PLEKHM1: variants seen among roughly 807,000 people sequenced by gnomAD.
PLEKHM1 encodes the protein pleckstrin homology and RUN domain containing M1.
In PLEKHM1, 28 loss-of-function variants were observed where a neutral mutation model predicts 94.3. That is an observed-to-expected ratio of 0.30 (90% CI 0.22 to 0.41). The LOEUF is 0.41. Among genes scored for constraint, PLEKHM1 ranks in the 10% least tolerant of loss-of-function variants. The pLI is 1.00. For missense variants in PLEKHM1, 907 were observed against 1,358.6 expected (o/e 0.67, Z 5.22); for synonymous variants, 424 against 581.2 (o/e 0.73, Z 3.89).
At position 45,477,868 on chromosome 17, in the gene PLEKHM1, C is replaced by T. The variant is rs546798514; in HGVS notation, c.296+32G>A. 3.6e-4 allele frequency: 562 copies of T among 1,578,984 alleles called. 6 individuals carry two copies. In the South Asian group the frequency reaches 4.9e-3, roughly 14 times the overall value. On this transcript the variant is annotated intron_variant, in intron 3 of 11. Coordinates refer to ENST00000430334, the MANE Select transcript of PLEKHM1 (RefSeq NM_014798.3). ...AGTGTCCCATAGTCTGCTGCTCCTC[C>T]GCAAAGCAAAACCTCTCCAGCTAAA...
intron 5 of PLEKHM1, among the ~76,000 whole-genome samples, chr17:45,465,362 A>C (rs1597967893): frequency 6.6e-6 from 1 of 152,022 alleles, no homozygotes; most frequent in East Asian, 1.9e-4. Context: ...CCGGTCAGGG[A>C]AGGCTGAGAC....
At position 45,475,112 on chromosome 17, in the gene PLEKHM1, C is replaced by T. The variant is rs2684710; in HGVS notation, c.911G>A (p.Arg304Gln). Residue 304 changes from arginine (R) to glutamine (Q), a missense_variant, in exon 4 of 12, where the codon CGG becomes CAG. Arg to Gln is a conservative substitution (Grantham distance 43). Around this residue, in one of 3 missense-constraint regions of PLEKHM1, gnomAD observed 477 missense variants for 601.5 expected, o/e 0.79. Coordinates refer to ENST00000430334, the MANE Select transcript of PLEKHM1 (RefSeq NM_014798.3). ...GCAGCGTACTCACTCTTGCAGAGAC[C>T]GGTCTGAGTCCTCAGCATTTGCTGT... ...LGTANAEDSDRSLQEVLLEFS... is the reference protein window; with the variant it reads ...LGTANAEDSDQSLQEVLLEFS... 2.6e-4 allele frequency: 427 copies of T among 1,613,930 alleles called. 7 individuals carry two copies. The South Asian group carries it at 3.8e-3, about 15-fold the overall frequency.
At chr17:45,435,070 C>T (rs1292200612), downstream of PLEKHM1, among the ~76,000 whole-genome samples, 1 of 152,022 alleles carries the variant, frequency 6.6e-6, no homozygotes, top group Non-Finnish European at 1.5e-5. Context: ...CAGGGCAGCA[C>T]CAGGTCACGT....
intron 2 of PLEKHM1, among the ~76,000 whole-genome samples, chr17:45,480,014 G>T (rs1046062612): frequency 4.6e-5 from 7 of 152,124 alleles, no homozygotes; most frequent in African/African-American, 1.7e-4. Context: ...CTTTTATTTT[G>T]ATTTCAGCCA....
chr17:45,479,513 G>A (rs1386459387), intron 2 of PLEKHM1, among the ~76,000 whole-genome samples: 3 of 122,664 alleles, frequency 2.4e-5, no homozygotes, highest in Non-Finnish European at 5.0e-5. Flanking sequence ...GCGAGACTCC[G>A]CCTCAAAAAA....
At chr17:45,471,491 G>T (rs1473769120) in intron 4 of PLEKHM1, among the ~76,000 whole-genome samples, 3 of 151,868 alleles carry the variant, frequency 2.0e-5, no homozygotes, top group Non-Finnish European at 4.4e-5. Flanking sequence ...GGCTGGGCAT[G>T]GTGGCTCATG....
downstream of PLEKHM1, among the ~76,000 whole-genome samples, chr17:45,434,880 A>C (rs1337888017): frequency 6.7e-6 from 1 of 149,202 alleles, no homozygotes; most frequent in Non-Finnish European, 1.5e-5. Flanking sequence ...GAGGCAGGAG[A>C]ATTGCTTGAA....
intron 1 of PLEKHM1, among the ~76,000 whole-genome samples, chr17:45,488,101 T>C (rs551767660): frequency 1.3e-5 from 2 of 152,312 alleles, no homozygotes; most frequent in East Asian, 3.9e-4. Context: ...AAATACCAGA[T>C]GAAGGGTGAG....
In PLEKHM1 at chr17:45,480,341, G is replaced by A. The variant is rs146592733; in HGVS notation, c.48+2096C>T. Among the ~76,000 whole-genome samples the A allele has an allele frequency of 9.5e-3, 1,452 of 152,116 alleles. 38 individuals are homozygous for A. The highest frequency in any genetic ancestry group is 0.033 in the African/African-American group (1,351 of 41,498). ...TCTACCAAAAATACAAAAATTAGCC[G>A]GGCATGGTGGTGCACACCCATAATC... On this transcript the variant is annotated intron_variant, in intron 2 of 11. Coordinates refer to ENST00000430334, the MANE Select transcript of PLEKHM1 (RefSeq NM_014798.3).
chr17:45,457,793 C>CT (rs1396630075), intron 6 of PLEKHM1, among the ~76,000 whole-genome samples: 7 of 152,160 alleles, frequency 4.6e-5, no homozygotes, highest in African/African-American at 2.4e-5. Context: ...CATAAACCAA[C>CT]TACTGAGGGT....
intron 2 of PLEKHM1, among the ~76,000 whole-genome samples, chr17:45,481,297 A>T (rs1208539993): frequency 6.6e-6 from 1 of 151,962 alleles, no homozygotes; most frequent in Non-Finnish European, 1.5e-5. Context: ...CATTCTGGAT[A>T]CTAGACCCTT....
chr17:45,481,742 T>C (rs1160210401), intron 2 of PLEKHM1, among the ~76,000 whole-genome samples: 3 of 151,316 alleles, frequency 2.0e-5, no homozygotes, highest in Admixed American at 1.3e-4. Context: ...TGGACTCTCC[T>C]GTGGCCAGGA....
intron 4 of PLEKHM1, among the ~76,000 whole-genome samples, chr17:45,471,965 T>A (rs2051526869): frequency 6.6e-6 from 1 of 152,180 alleles, no homozygotes. Context: ...CTAGGCCAAC[T>A]GCAATTTGGT....
At position 45,439,434 on chromosome 17, in the gene PLEKHM1, G is replaced by T. The variant is rs369465783; in HGVS notation, c.3059+43C>A. On this transcript the variant is annotated intron_variant, in intron 11 of 11. Transcript: ENST00000430334. ...GCTTGGGCCAGGCTGTGGGTGTGGG[G>T]AAGGGTGGGGCTGGAAGGCGGCTGG... The T allele has an allele frequency of 2.5e-5, 41 of 1,610,630 alleles. 1 individual carries two copies. In the Middle Eastern group the frequency reaches 5.1e-4, roughly 20 times the overall value.
chr17:45,480,988 C>T (rs1854146109), intron 2 of PLEKHM1, among the ~76,000 whole-genome samples: 1 of 152,198 alleles, frequency 6.6e-6, no homozygotes, highest in African/African-American at 2.4e-5. Context: ...CAAGGAACTG[C>T]CAAACTGTGT....
At chr17:45,449,250 C>T (rs1025294739) in intron 8 of PLEKHM1, among the ~76,000 whole-genome samples, 1 of 151,656 alleles carries the variant, frequency 6.6e-6, no homozygotes, top group Non-Finnish European at 1.5e-5. Context: ...TACCCATCCA[C>T]CTACCTATTC....
Position 45,476,064 on chromosome 17 carries a change from T to C in PLEKHM1, c.297-338A>G, listed in dbSNP as rs542174879. On this transcript the variant is annotated intron_variant, in intron 3 of 11. Coordinates refer to ENST00000430334, the MANE Select transcript of PLEKHM1 (RefSeq NM_014798.3). ...TACTCGGGAGGTTGAGGTGGAAGGA[T>C]AGCTTGAGCCTGGGAAGCAAAGGTC... 1.2e-3 allele frequency: 443 copies of C among 365,474 alleles called. 3 individuals are homozygous for C. The highest frequency in any genetic ancestry group is 4.6e-3 in the South Asian group (200 of 43,948). 22.6% of individuals were successfully genotyped at this position (365,474 alleles called of 1,614,324 possible).
chr17:45,441,991 G>T (rs1394597395), intron 9 of PLEKHM1, among the ~76,000 whole-genome samples: 1 of 152,168 alleles, frequency 6.6e-6, no homozygotes, highest in Non-Finnish European at 1.5e-5. Flanking sequence ...GGACATGGGT[G>T]GGGGGCCTGG....
chr17:45,466,369 C>A (rs1567789165), intron 5 of PLEKHM1, among the ~76,000 whole-genome samples: 2 of 152,058 alleles, frequency 1.3e-5, no homozygotes, highest in Non-Finnish European at 2.9e-5. Context: ...GGACAAAAAC[C>A]AAGCAAACCA....
Sources: gnomAD v4.1 joint callset for allele counts (sites outside exome capture counted in the v4.1 genomes callset) on GRCh38, gnomAD v4.1.1 for gene constraint, gnomAD v4.1.1 regional missense constraint, MANE v1.5 for transcripts, NCBI Gene and HGNC (gene_info 2026-07-23, HGNC 2026-07-21) for gene names.